The following GRIK4 variants were observed in gnomAD, a reference collection of about 807,000 sequenced individuals.
GRIK4 encodes the protein glutamate receptor ionotropic, kainate 4.
A neutral mutation model predicts 104.9 loss-of-function variants in GRIK4; 40 were observed. The observed-to-expected ratio is 0.38, with a 90% CI of 0.30 to 0.50. The LOEUF is 0.50. Ranked by LOEUF, GRIK4 falls within the 20% of genes least tolerant of loss-of-function variation. The pLI, the probability that GRIK4 is intolerant of heterozygous loss-of-function variation, is 0.93. For synonymous variants in GRIK4, 485 were observed against 524.9 expected (o/e 0.92, Z 1.04); for missense variants, 1,047 against 1,308.1 (o/e 0.80, Z 3.08).
At chr11:120,682,473 G>A (rs10892612) in intron 3 of GRIK4, among the ~76,000 whole-genome samples, 69,808 of 151,744 alleles carry the variant, frequency 0.46, 16,432 homozygotes, top group East Asian at 0.57. Flanking sequence ...TCTTTCTCTC[G>A]CCAAGTTCTG....
chr11:120,512,980 C>A (rs887210926), intron 1 of GRIK4, among the ~76,000 whole-genome samples: 2 of 152,166 alleles, frequency 1.3e-5, no homozygotes, highest in African/African-American at 4.8e-5. Context: ...GGCTGCGTGG[C>A]TCTTGGCATC....
At chr11:120,787,532 T>C (rs1294690762) in intron 3 of GRIK4, among the ~76,000 whole-genome samples, 1 of 151,864 alleles carries the variant, frequency 6.6e-6, no homozygotes, top group East Asian at 1.9e-4. Context: ...TGGCACGATC[T>C]CGGCTCGCTG....
At chr11:120,535,924 A>G (rs563786398) in intron 1 of GRIK4, among the ~76,000 whole-genome samples, 110 of 152,338 alleles carry the variant, frequency 7.2e-4, no homozygotes, top group Non-Finnish European at 9.6e-4. Context: ...GCATGAATAC[A>G]GTCCCAACAC....
At chr11:120,765,841 C>T (rs1778472400) in intron 3 of GRIK4, among the ~76,000 whole-genome samples, 1 of 152,248 alleles carries the variant, frequency 6.6e-6, no homozygotes, top group Non-Finnish European at 1.5e-5. Context: ...CATAGAGGGG[C>T]ACCTGCCAGA....
intron 3 of GRIK4, among the ~76,000 whole-genome samples, chr11:120,741,275 CT>C (rs762543001): frequency 0.019 from 2,006 of 106,874 alleles, 2 homozygotes; most frequent in Non-Finnish European, 0.02. Context: ...CGTGTGCTTT[CT>C]TTTTTTTTTT....
chr11:120,520,262 A>G (rs1214909836), intron 1 of GRIK4, among the ~76,000 whole-genome samples: 1 of 152,126 alleles, frequency 6.6e-6, no homozygotes, highest in Admixed American at 6.5e-5. Flanking sequence ...CATTTCCAGA[A>G]CCGGCACCCT....
intron 1 of GRIK4, among the ~76,000 whole-genome samples, chr11:120,627,475 G>T (rs899790407): frequency 1.3e-5 from 2 of 152,210 alleles, no homozygotes; most frequent in Admixed American, 1.3e-4. Flanking sequence ...GGCAGGTGGG[G>T]TTGTGCTAGC....
chr11:120,546,211 A>G (rs1316946094), intron 1 of GRIK4, among the ~76,000 whole-genome samples: 1 of 152,146 alleles, frequency 6.6e-6, no homozygotes, highest in East Asian at 1.9e-4. Flanking sequence ...CAGCCCTTGC[A>G]GCGTTGGTGC....
rs1340490364 is a variant in GRIK4, at chr11:120,819,961, C to T, written c.511+41C>T. 1 of 1,596,202 alleles carries T rather than the reference C, an allele frequency of 6.3e-7. No individual in the cohort carries two copies. Among genetic ancestry groups the T allele is most frequent in the Admixed American group, 1.7e-5 (1 of 59,690 alleles). ...CTGGCTCTGCCCCAGACAGTCCAGT[C>T]TTGTTGATTTTGCCCTGATTCCCTG... On this transcript the variant is annotated intron_variant, in intron 6 of 20. Transcript: ENST00000527524. The surrounding 1 kb of genome is among the most constrained non-coding windows in gnomAD (Gnocchi z 4.3).
At chr11:120,603,756 G>C (rs962220208) in intron 1 of GRIK4, among the ~76,000 whole-genome samples, 8 of 152,156 alleles carry the variant, frequency 5.3e-5, no homozygotes, top group African/African-American at 1.9e-4. Context: ...GGAAGGTTTG[G>C]CAATATCTGA....
intron 3 of GRIK4, among the ~76,000 whole-genome samples, chr11:120,700,580 T>A (rs1437407652): frequency 6.6e-6 from 1 of 152,198 alleles, no homozygotes; most frequent in Non-Finnish European, 1.5e-5. Flanking sequence ...TGCCTCAGCC[T>A]CCTGAGTAGC....
intron 11 of GRIK4, among the ~76,000 whole-genome samples, chr11:120,898,255 A>T (rs1942638300): frequency 6.6e-6 from 1 of 152,160 alleles, no homozygotes; most frequent in South Asian, 2.1e-4. Context: ...AGAGAACTTC[A>T]CCAAACTGCA....
chr11:120,783,908 C>A (rs78351671), intron 3 of GRIK4, among the ~76,000 whole-genome samples: 1 of 152,118 alleles, frequency 6.6e-6, no homozygotes, highest in Non-Finnish European at 1.5e-5. Context: ...GTTTGTTTTG[C>A]GAAGTGCTTT....
chr11:120,660,348 G>T lies in GRIK4; in HGVS notation c.30G>T (p.Leu10=). Residue 10 remains leucine (L), a synonymous_variant, in exon 3 of 21, where the codon CTG becomes CTT. Transcript: ENST00000527524. MPRVSAPLV[L]LPAWLVMVAC... Reference sequence around the variant, plus strand: ...CCCGCGTCTCGGCGCCTTTGGTGCTGCTTCCTGCGTGGCTCGTGATGGTCG... The same window carrying T: ...CCCGCGTCTCGGCGCCTTTGGTGCTTCTTCCTGCGTGGCTCGTGATGGTCG... 1 of 1,613,444 alleles carries T rather than the reference G, an allele frequency of 6.2e-7. No homozygotes were observed. The highest frequency in any genetic ancestry group is 8.5e-7 in the Non-Finnish European group (1 of 1,179,980).
intron 12 of GRIK4, among the ~76,000 whole-genome samples, chr11:120,901,019 G>A (rs536296149): frequency 2.0e-4 from 31 of 152,264 alleles, no homozygotes; most frequent in Middle Eastern, 3.4e-3. Context: ...CTATCCATCC[G>A]CAAAGCCCCT....
intron 3 of GRIK4, among the ~76,000 whole-genome samples, chr11:120,782,979 C>T (rs1952188824): frequency 1.3e-5 from 2 of 152,186 alleles, no homozygotes; most frequent in South Asian, 2.1e-4. Context: ...TAATCACACT[C>T]ACGAGGGAGG....
At position 120,697,869 on chromosome 11, in the gene GRIK4, G is replaced by A. The variant is rs1028190423; in HGVS notation, c.82+37469G>A. Among the ~76,000 whole-genome samples the A allele has an allele frequency of 3.9e-5, 6 of 152,160 alleles. No homozygotes were observed. In the South Asian group the frequency reaches 6.2e-4, roughly 16 times the overall value. On this transcript the variant is annotated intron_variant, in intron 3 of 20. Transcript: ENST00000527524. ...GGTGAAGGGAAGCTAGAGTGGCCTC[G>A]ATGGAGGGTCACAGCTCCTGCACCT...
intron 1 of GRIK4, among the ~76,000 whole-genome samples, chr11:120,642,494 T>G (rs1949482398): frequency 1.3e-5 from 2 of 151,648 alleles, no homozygotes; most frequent in South Asian, 4.2e-4. Flanking sequence ...TTTTTTTTTT[T>G]GTATCTGTGA....
intron 7 of GRIK4, among the ~76,000 whole-genome samples, chr11:120,833,878 G>T (rs913325917): frequency 6.6e-6 from 1 of 152,030 alleles, no homozygotes; most frequent in African/African-American, 2.4e-5. Context: ...TCTATGCCGT[G>T]CATTTTCCCC....
Sources: allele counts gnomAD v4.1 joint callset (sites outside exome capture counted in the v4.1 genomes callset), GRCh38; gene constraint gnomAD v4.1.1; non-coding constraint Gnocchi (gnomAD v3.1); transcripts MANE v1.5; gene names NCBI Gene and HGNC (gene_info 2026-07-23, HGNC 2026-07-21).